Variants in ROCK2 observed in about 807,000 individuals in gnomAD.
ROCK2 encodes the protein rho-associated protein kinase 2.
In ROCK2, 61 loss-of-function variants were observed where a neutral mutation model predicts 195.1. That is an observed-to-expected ratio of 0.31 (90% CI 0.25 to 0.39). ROCK2 has a LOEUF of 0.39. ROCK2 is among the 10% of genes least tolerant of loss of function. The pLI, the probability that ROCK2 is intolerant of heterozygous loss-of-function variation, is 1.00. For synonymous variants in ROCK2, 504 were observed against 545.5 expected, an observed-to-expected ratio of 0.92 and a Z score of 1.06; for missense variants, 1,109 against 1,637.4, an observed-to-expected ratio of 0.68 and a Z score of 5.57.
chr2:11,254,343 T>C (rs116012650), intron 3 of ROCK2, among the ~76,000 whole-genome samples: 11 of 152,268 alleles, frequency 7.2e-5, no homozygotes, highest in Non-Finnish European at 1.3e-4. Flanking sequence ...CAGCATATAA[T>C]TGCATGTTTC....
chr2:11,273,928 C>CA (rs34951428), intron 3 of ROCK2, among the ~76,000 whole-genome samples: 49,162 of 107,500 alleles, frequency 0.46, 10,772 homozygotes, highest in Admixed American at 0.56. Context: ...GACTCCATCT[C>CA]AAAAAAAAAA....
intron 3 of ROCK2, among the ~76,000 whole-genome samples, chr2:11,271,951 C>T (rs1159329697): frequency 6.7e-6 from 1 of 148,324 alleles, no homozygotes; most frequent in Non-Finnish European, 1.5e-5. Context: ...ACCCGACAGG[C>T]GGAGCTTGCA....
intron 1 of ROCK2, among the ~76,000 whole-genome samples, chr2:11,331,506 A>T (rs1668763875): frequency 6.6e-6 from 1 of 152,238 alleles, no homozygotes; most frequent in South Asian, 2.1e-4. Context: ...AAGGGAAAGA[A>T]ATAAGTTTAT....
chr2:11,208,197 T>C, intron 19 of ROCK2, 90 bp downstream of exon 19: 1 of 879,214 alleles, frequency 1.1e-6, no homozygotes, highest in Non-Finnish European at 1.5e-6. Context: ...TAAGAAAAAC[T>C]TTAAAATTAT....
intron 4 of ROCK2, among the ~76,000 whole-genome samples, chr2:11,245,180 T>G (rs1411821298): frequency 6.6e-6 from 1 of 151,152 alleles, no homozygotes; most frequent in Non-Finnish European, 1.5e-5. Flanking sequence ...AGCAATGAAA[T>G]TTATATTCCT....
At chr2:11,274,811 C>T (rs940888550) in intron 3 of ROCK2, among the ~76,000 whole-genome samples, 2 of 152,174 alleles carry the variant, frequency 1.3e-5, no homozygotes, top group South Asian at 2.1e-4. Context: ...ACGGTAGTCC[C>T]CTCTTATCCT....
chr2:11,194,356 G>C lies in ROCK2; in HGVS notation c.3520-12C>G. The C allele has an allele frequency of 8.3e-7, 1 of 1,199,530 alleles. No individual in the cohort carries two copies. The highest frequency in any genetic ancestry group is 1.1e-6 in the Non-Finnish European group (1 of 876,282). The allele number at this position is 1,199,530 out of a possible 1,614,324, so 74.3% of individuals were successfully genotyped here. A position where few individuals can be genotyped will look rare whatever the true frequency, so the allele number is the denominator to read the frequency against. ...CTTACAATCACATACTGTTAAAACAGGGAGAAAAGAAATCAGTAATTCAAG... is the reference window on the plus strand; with the variant it reads ...CTTACAATCACATACTGTTAAAACACGGAGAAAAGAAATCAGTAATTCAAG... On this transcript the variant is annotated splice_polypyrimidine_tract_variant and intron_variant, in intron 28 of 32. Coordinates refer to ENST00000315872, the MANE Select transcript of ROCK2 (RefSeq NM_004850.5).
chr2:11,242,309 T>C (rs906893274), intron 4 of ROCK2, among the ~76,000 whole-genome samples: 1 of 152,090 alleles, frequency 6.6e-6, no homozygotes, highest in Non-Finnish European at 1.5e-5. Context: ...AAAAGTTTGA[T>C]TAAACTTTTA....
intron 1 of ROCK2, among the ~76,000 whole-genome samples, chr2:11,302,007 T>A (rs1041915531): frequency 6.6e-6 from 1 of 151,776 alleles, no homozygotes; most frequent in Non-Finnish European, 1.5e-5. Context: ...GTTTTCACCA[T>A]GTTGACTAGG....
At chr2:11,285,195 G>T (rs980324460) in intron 3 of ROCK2, among the ~76,000 whole-genome samples, 2 of 151,252 alleles carry the variant, frequency 1.3e-5, no homozygotes, top group African/African-American at 4.9e-5. Flanking sequence ...CCGGGGGGTG[G>T]AGGTTACGGT....
rs1454108501 is a variant in ROCK2, at chr2:11,193,770, T to A, written c.3687+9A>T. 3 of 1,538,004 alleles carry A rather than the reference T, an allele frequency of 2.0e-6. No individual in the cohort carries two copies. The highest frequency in any genetic ancestry group is 2.7e-6 in the Non-Finnish European group (3 of 1,126,640). ...CCAACCAACCAAATATAAACAAAAC[T>A]ATGTTTACCTGGAATATCCTTGGAA... On this transcript the variant is annotated intron_variant, in intron 30 of 32. Coordinates refer to ENST00000315872, the MANE Select transcript of ROCK2 (RefSeq NM_004850.5).
At chr2:11,330,521 T>G (rs1259312734) in intron 1 of ROCK2, among the ~76,000 whole-genome samples, 1 of 152,162 alleles carries the variant, frequency 6.6e-6, no homozygotes, top group Non-Finnish European at 1.5e-5. Flanking sequence ...CACTAGATCT[T>G]GTAGGCATCA....
At chr2:11,271,578 A>G (rs1666630454) in intron 3 of ROCK2, among the ~76,000 whole-genome samples, 1 of 152,070 alleles carries the variant, frequency 6.6e-6, no homozygotes, top group Non-Finnish European at 1.5e-5. Context: ...TCTCTTCAGC[A>G]TTTTATTTGT....
In ROCK2 at chr2:11,344,388, CTCAG is replaced by C; in HGVS notation, c.-256_-253del. 1 of 1,132,328 alleles carries C rather than the reference CTCAG, an allele frequency of 8.8e-7. No homozygotes were observed. Among genetic ancestry groups the C allele is most frequent in the Non-Finnish European group, 1.1e-6 (1 of 924,744 alleles). 70.1% of individuals were successfully genotyped at this position (1,132,328 alleles called of 1,614,324 possible). ...CGGGGAACAGACGGCGTCCCCGCCC[CTCAG>C]TCAGATTCGCGCCGCCGGTCCGCTG... On this transcript the variant is annotated 5_prime_UTR_variant, in exon 1 of 33. Transcript: ENST00000315872. The surrounding 1 kb of genome is among the most constrained non-coding windows in gnomAD (Gnocchi z 5.4).
intron 4 of ROCK2, among the ~76,000 whole-genome samples, chr2:11,238,245 T>TGTGTGTGTGTC (rs11377542): frequency 7.8e-5 from 3 of 38,430 alleles, no homozygotes; most frequent in African/African-American, 2.1e-4. Context: ...TGTGTGTCTG[T>TGTGTGTGTGTC]TGTGTGTGTC....
chr2:11,262,136 G>C (rs1011291149), intron 3 of ROCK2, among the ~76,000 whole-genome samples: 3 of 151,998 alleles, frequency 2.0e-5, no homozygotes, highest in Non-Finnish European at 4.4e-5. Context: ...TAAAAACGTT[G>C]CTCCTATTAC....
Position 11,314,227 on chromosome 2 carries a change from T to C in ROCK2, c.142-26491A>G, listed in dbSNP as rs553307313. ...TTTCACAGTAATAGTAATGTTCTCC[T>C]CATAGTCTAATGTAGCATCTAAAAA... On this transcript the variant is annotated intron_variant, in intron 1 of 32. Transcript: ENST00000315872. 2.6e-5 allele frequency among the ~76,000 whole-genome samples: 4 copies of C among 152,096 alleles called. No individual in the cohort carries two copies. In the East Asian group the frequency reaches 5.8e-4, roughly 22 times the overall value.
chr2:11,203,225 T>C (rs1663927592), intron 20 of ROCK2, among the ~76,000 whole-genome samples: 1 of 152,186 alleles, frequency 6.6e-6, no homozygotes, highest in Non-Finnish European at 1.5e-5. Context: ...ATAAAAATTA[T>C]AGTTATCCGA....
At position 11,324,950 on chromosome 2, in the gene ROCK2, A is replaced by G. The variant is rs565519144; in HGVS notation, c.141+19046T>C. Among the ~76,000 whole-genome samples the G allele has an allele frequency of 7.9e-5, 12 of 152,338 alleles. No individual in the cohort carries two copies. The South Asian group carries it at 2.3e-3, about 29-fold the overall frequency. On this transcript the variant is annotated intron_variant, in intron 1 of 32. Coordinates refer to ENST00000315872, the MANE Select transcript of ROCK2 (RefSeq NM_004850.5). ...TTTCCATTAGCCAACTATTTTATCC[A>G]TACTTCTCATAATAGAAATGCTCAC...
Sources: allele counts gnomAD v4.1 joint callset (sites outside exome capture counted in the v4.1 genomes callset), GRCh38; gene constraint gnomAD v4.1.1; non-coding constraint Gnocchi (gnomAD v3.1); transcripts MANE v1.5; gene names NCBI Gene and HGNC (gene_info 2026-07-23, HGNC 2026-07-21).